The following BLTP3B variants were observed in gnomAD, a reference collection of about 807,000 sequenced individuals.
The protein encoded by BLTP3B is bridge-like lipid transfer protein family member 3B, also known as UHRF1 (ICBP90) binding protein 1-like.
chr12:100,115,824 T>G, the BLTP3B span, among the ~76,000 whole-genome samples: 2 of 151,820 alleles, frequency 1.3e-5, no homozygotes, highest in East Asian at 1.9e-4. Flanking sequence ...CAAGTGTTTA[T>G]TCTAGAAATG....
the BLTP3B span, chr12:100,037,571 A>T: frequency 6.4e-7 from 1 of 1,571,728 alleles, no homozygotes. Context: ...AACTGGTAAC[A>T]TCCACATTAT....
chr12:100,044,978 A>G, the BLTP3B span, among the ~76,000 whole-genome samples: 1 of 152,212 alleles, frequency 6.6e-6, no homozygotes, highest in Admixed American at 6.5e-5. Context: ...GAGCCAAATC[A>G]TGAGTGAACT....
At chr12:100,104,214 T>C in the BLTP3B span, among the ~76,000 whole-genome samples, 475 of 149,966 alleles carry the variant, frequency 3.2e-3, 1 homozygote, top group African/African-American at 0.011. Flanking sequence ...CTTTTTTTTT[T>C]TTTTTTTTGA....
the BLTP3B span, among the ~76,000 whole-genome samples, chr12:100,109,194 CT>C: frequency 6.7e-6 from 1 of 150,068 alleles, no homozygotes; most frequent in Non-Finnish European, 1.5e-5. Flanking sequence ...CTCTCTCTCT[CT>C]CTCTCTCTCT....
the BLTP3B span, among the ~76,000 whole-genome samples, chr12:100,052,725 A>G: frequency 1.3e-5 from 2 of 151,942 alleles, no homozygotes; most frequent in African/African-American, 4.8e-5. Flanking sequence ...AGCAATTACA[A>G]GTTATCAGCA....
chr12:100,091,686 G>T, the BLTP3B span, among the ~76,000 whole-genome samples: 1 of 150,760 alleles, frequency 6.6e-6, no homozygotes, highest in Non-Finnish European at 1.5e-5. Flanking sequence ...TGTGTTTTTA[G>T]TAGAGACAGG....
the BLTP3B span, among the ~76,000 whole-genome samples, chr12:100,069,367 C>G: frequency 6.6e-6 from 1 of 152,032 alleles, no homozygotes; most frequent in Non-Finnish European, 1.5e-5. Flanking sequence ...GTGGAACCAA[C>G]CCAAATGCCC....
the BLTP3B span, among the ~76,000 whole-genome samples, chr12:100,118,234 A>C: frequency 6.6e-6 from 1 of 152,134 alleles, no homozygotes; most frequent in Non-Finnish European, 1.5e-5. Flanking sequence ...TCTCCAAAAA[A>C]ATAAAATATT....
At chr12:100,130,949 C>CATACATACATACATACATACATACAT in the BLTP3B span, among the ~76,000 whole-genome samples, 95 of 97,564 alleles carry the variant, frequency 9.7e-4, 1 homozygote, top group African/African-American at 4.3e-3. Context: ...TACATACATA[C>CATACATACATACATACATACATACAT]ATATATATAT....
chr12:100,087,158 C>CAGAAAAAAAAAA, the BLTP3B span, among the ~76,000 whole-genome samples: 1 of 59,892 alleles, frequency 1.7e-5, no homozygotes. Context: ...GACTCCATCT[C>CAGAAAAAAAAAA]AAAAAAAAAA....
At chr12:100,086,328 A>G in the BLTP3B span, 1 of 1,254,610 alleles carries the variant, frequency 8.0e-7, no homozygotes, top group Admixed American at 2.1e-5. Flanking sequence ...AGAGAGTTGC[A>G]TTGCCCCTCC....
chr12:100,037,878 C>T, the BLTP3B span: 2 of 813,106 alleles, frequency 2.5e-6, no homozygotes, highest in African/African-American at 1.8e-5. Context: ...GGTGAGAGTG[C>T]ACTTAAGCTG....
chr12:100,106,471 C>T, the BLTP3B span, among the ~76,000 whole-genome samples: 1 of 152,134 alleles, frequency 6.6e-6, no homozygotes, highest in African/African-American at 2.4e-5. Flanking sequence ...TTGAAAAGAA[C>T]TGGAGGCCAT....
chr12:100,134,163 T>G, the BLTP3B span, among the ~76,000 whole-genome samples: 1 of 152,106 alleles, frequency 6.6e-6, no homozygotes, highest in Admixed American at 6.5e-5. Context: ...AATCCACCCC[T>G]GAAAATTCAA....
At chr12:100,046,499 TCTCA>T in the BLTP3B span, among the ~76,000 whole-genome samples, 1 of 151,044 alleles carries the variant, frequency 6.6e-6, no homozygotes, top group African/African-American at 2.4e-5. Flanking sequence ...TACCGCATGT[TCTCA>T]CTCATAAGTG....
chr12:100,041,265 T>TA, the BLTP3B span, among the ~76,000 whole-genome samples: 1 of 152,072 alleles, frequency 6.6e-6, no homozygotes, highest in Non-Finnish European at 1.5e-5. Context: ...CTTTCCATGA[T>TA]AAAAACACTC....
chr12:100,060,148 A>G, the BLTP3B span: 1 of 920,602 alleles, frequency 1.1e-6, no homozygotes, highest in Non-Finnish European at 1.5e-6. Context: ...TCTTAAGATA[A>G]AACAAATTTG....
At chr12:100,058,730 A>G in the BLTP3B span, 6 of 1,613,870 alleles carry the variant, frequency 3.7e-6, no homozygotes, top group Admixed American at 1.0e-4. Flanking sequence ...CAGGACTGCC[A>G]GTTACAGCTT....
chr12:100,049,143 AC>A, the BLTP3B span, among the ~76,000 whole-genome samples: 1 of 152,118 alleles, frequency 6.6e-6, no homozygotes, highest in Admixed American at 6.6e-5. Flanking sequence ...AAGATTAATA[AC>A]CCAAAATGCA....
Sources: allele counts gnomAD v4.1 joint callset (sites outside exome capture counted in the v4.1 genomes callset), GRCh38; gene constraint gnomAD v4.1.1; transcripts MANE v1.5; gene names NCBI Gene and HGNC (gene_info 2026-07-23, HGNC 2026-07-21).